SMOC2: variants seen among roughly 807,000 people sequenced by gnomAD.
The protein encoded by SMOC2 is SPARC-related modular calcium-binding protein 2.
SMOC2 carries 39 observed loss-of-function variants against 61.4 expected under a neutral mutation model. The ratio of observed to expected loss-of-function variants is 0.64; its 90% CI spans 0.49 to 0.83. SMOC2 has a LOEUF of 0.83. Ranked by LOEUF, SMOC2 falls within the 40% of genes least tolerant of loss-of-function variation. The probability of loss-of-function intolerance (pLI) is 0.00; values close to 1 mark genes in which losing one functional copy is unlikely to be tolerated. For missense variants in SMOC2, 556 were observed against 592.9 expected, an observed-to-expected ratio of 0.94 and a Z score of 0.65; for synonymous variants, 247 against 239.9, an observed-to-expected ratio of 1.03 and a Z score of -0.27.
chr6:168,626,469 G>GTT (rs1169107826), intron 9 of SMOC2, among the ~76,000 whole-genome samples: 3 of 152,202 alleles, frequency 2.0e-5, no homozygotes, highest in Non-Finnish European at 4.4e-5. Flanking sequence ...GAAGAAATCA[G>GTT]AATCCATGCA....
chr6:168,646,034 C>T (rs1490280368), intron 9 of SMOC2, among the ~76,000 whole-genome samples: 1 of 152,244 alleles, frequency 6.6e-6, no homozygotes, highest in Non-Finnish European at 1.5e-5. Flanking sequence ...TTCTTTTCTC[C>T]TCATTTCTCA....
At chr6:168,559,456 AAAAAATAAAAAT>A (rs575773468) in intron 7 of SMOC2, among the ~76,000 whole-genome samples, 2 of 139,804 alleles carry the variant, frequency 1.4e-5, no homozygotes, top group Non-Finnish European at 3.2e-5. Context: ...CTCTGTCTCA[AAAAAATAAAAAT>A]AAAAATAAAA....
intron 1 of SMOC2, among the ~76,000 whole-genome samples, chr6:168,459,507 A>G (rs1274528555): frequency 1.3e-5 from 2 of 151,494 alleles, no homozygotes; most frequent in African/African-American, 4.9e-5. Flanking sequence ...ACATGTGAAA[A>G]TGAAGCAGAA....
At chr6:168,610,970 G>T (rs201680112) in intron 9 of SMOC2, among the ~76,000 whole-genome samples, 38,046 of 150,362 alleles carry the variant, frequency 0.25, 4,935 homozygotes, top group Non-Finnish European at 0.27. Context: ...TCTTAAACCA[G>T]CCCTTCCTAA....
chr6:168,608,012 T>G, intron 8 of SMOC2, 145 bp from the exon 9 acceptor site: 1 of 668,836 alleles, frequency 1.5e-6, no homozygotes, highest in South Asian at 2.0e-5. Flanking sequence ...CAGAAAGGAG[T>G]GAGGAGGTCA....
At chr6:168,647,638 C>T (rs896398684) in intron 9 of SMOC2, among the ~76,000 whole-genome samples, 2 of 152,246 alleles carry the variant, frequency 1.3e-5, no homozygotes, top group South Asian at 2.1e-4. Context: ...TCCTCTCATG[C>T]GTTTGCTAGA....
intron 4 of SMOC2, among the ~76,000 whole-genome samples, chr6:168,529,760 C>A (rs1451373097): frequency 1.3e-5 from 2 of 152,214 alleles, no homozygotes; most frequent in African/African-American, 4.8e-5. Context: ...AATTTAACTT[C>A]TTCCTGAAAG....
chr6:168,508,254 T>TA (rs915693819), intron 1 of SMOC2, among the ~76,000 whole-genome samples: 2 of 152,290 alleles, frequency 1.3e-5, no homozygotes, highest in East Asian at 3.9e-4. Context: ...AAATTTCCAT[T>TA]AAAAAAATCA....
chr6:168,508,222 G>A (rs935710037), intron 1 of SMOC2, among the ~76,000 whole-genome samples: 1 of 152,026 alleles, frequency 6.6e-6, no homozygotes, highest in African/African-American at 2.4e-5. Context: ...GAGTAACATT[G>A]GGCAAATTAT....
chr6:168,648,516 G>A (rs957885088), intron 9 of SMOC2, among the ~76,000 whole-genome samples: 5 of 152,216 alleles, frequency 3.3e-5, no homozygotes, highest in Non-Finnish European at 7.3e-5. Context: ...GAGGCCGGGT[G>A]GGCTGGGCAG....
chr6:168,557,488 C>G (rs796382481), intron 7 of SMOC2, among the ~76,000 whole-genome samples: 5 of 152,318 alleles, frequency 3.3e-5, no homozygotes, highest in African/African-American at 1.2e-4. Context: ...AATAGTAATA[C>G]AAGCAAACCC....
At chr6:168,525,783 C>G (rs906520916) in intron 2 of SMOC2, among the ~76,000 whole-genome samples, 1 of 152,172 alleles carries the variant, frequency 6.6e-6, no homozygotes, top group Non-Finnish European at 1.5e-5. Flanking sequence ...GCTCTCCTCT[C>G]AGGCTGGTCT....
chr6:168,585,787 T>G lies in SMOC2; in HGVS notation c.638-13031T>G, dbSNP rs117904406. ...GACAGTTTCTTTCAAATACTTATTTTTCAGTCACACATCTTTCATTTTGTC... is the reference window on the plus strand; with the variant it reads ...GACAGTTTCTTTCAAATACTTATTTGTCAGTCACACATCTTTCATTTTGTC... On this transcript the variant is annotated intron_variant, in intron 7 of 12. Coordinates refer to ENST00000356284, the MANE Select transcript of SMOC2 (RefSeq NM_001166412.2). Among the ~76,000 whole-genome samples the G allele has an allele frequency of 1.8e-3, 275 of 152,380 alleles. 3 individuals are homozygous for G. In the East Asian group the frequency reaches 0.042, roughly 23 times the overall value.
chr6:168,563,298 T>G (rs1784464551), intron 7 of SMOC2, among the ~76,000 whole-genome samples: 1 of 152,236 alleles, frequency 6.6e-6, no homozygotes, highest in South Asian at 2.1e-4. Context: ...TGTGTGTGTG[T>G]GTATATATAT....
At chr6:168,569,052 T>C (rs1225760962) in intron 7 of SMOC2, among the ~76,000 whole-genome samples, 1 of 152,224 alleles carries the variant, frequency 6.6e-6, no homozygotes, top group Non-Finnish European at 1.5e-5. Flanking sequence ...GTTCAGCACA[T>C]TTGGCTAAAT....
chr6:168,501,543 A>T (rs2115042767), intron 1 of SMOC2, among the ~76,000 whole-genome samples: 1 of 152,218 alleles, frequency 6.6e-6, no homozygotes, highest in Admixed American at 6.5e-5. Context: ...CCTGAAGCCC[A>T]TTCTGCAGAA....
intron 1 of SMOC2, among the ~76,000 whole-genome samples, chr6:168,493,026 G>T (rs554015109): frequency 6.6e-6 from 1 of 152,186 alleles, no homozygotes; most frequent in Non-Finnish European, 1.5e-5. Context: ...GGAATGTTTA[G>T]ATATGCTCAA....
At chr6:168,585,147 C>T (rs1019129595) in intron 7 of SMOC2, among the ~76,000 whole-genome samples, 6 of 152,104 alleles carry the variant, frequency 3.9e-5, no homozygotes, top group Admixed American at 1.3e-4. Flanking sequence ...TTTGCAGTCA[C>T]GGGGTTTTGC....
chr6:168,551,149 C>G (rs1281778774), intron 7 of SMOC2, among the ~76,000 whole-genome samples: 1 of 152,190 alleles, frequency 6.6e-6, no homozygotes. Context: ...TCGCTGGGCA[C>G]TTCTCCTTCC....
Sources: allele counts gnomAD v4.1 joint callset (sites outside exome capture counted in the v4.1 genomes callset), GRCh38; gene constraint gnomAD v4.1.1; transcripts MANE v1.5; gene names NCBI Gene and HGNC (gene_info 2026-07-23, HGNC 2026-07-21).